The following CEP112 variants were observed in gnomAD, a reference collection of about 807,000 sequenced individuals.
CEP112 encodes the protein centrosomal protein of 112 kDa.
In CEP112, 127 loss-of-function variants were observed where a neutral mutation model predicts 153.0. That is an observed-to-expected ratio of 0.83 (90% CI 0.72 to 0.96). CEP112 has a LOEUF of 0.96. CEP112 is among the 40% of genes least tolerant of loss of function. The pLI is 0.00. For missense variants in CEP112, 1,089 were observed against 1,101.2 expected (o/e 0.99, Z 0.16); for synonymous variants, 358 against 374.4 (o/e 0.96, Z 0.51).
intron 25 of CEP112, among the ~76,000 whole-genome samples, chr17:65,637,575 AT>A (rs1373200025): frequency 6.6e-6 from 1 of 151,944 alleles, no homozygotes; most frequent in African/African-American, 2.4e-5. Context: ...ATCCTCCACC[AT>A]TTGGTTTAAA....
chr17:65,949,859 C>A (rs1268207668), intron 18 of CEP112, among the ~76,000 whole-genome samples: 1 of 152,036 alleles, frequency 6.6e-6, no homozygotes, highest in African/African-American at 2.4e-5. Flanking sequence ...TATATTATCT[C>A]CGGGGCTTTC....
chr17:65,917,905 G>A (rs1161532795), intron 19 of CEP112, among the ~76,000 whole-genome samples: 2 of 152,036 alleles, frequency 1.3e-5, no homozygotes, highest in African/African-American at 2.4e-5. Flanking sequence ...GGCTGGGCGC[G>A]GTGGCTCACG....
At chr17:65,720,481 A>G (rs1161519903) in intron 23 of CEP112, among the ~76,000 whole-genome samples, 1 of 152,186 alleles carries the variant, frequency 6.6e-6, no homozygotes, top group Non-Finnish European at 1.5e-5. Flanking sequence ...GCTGTCAGAG[A>G]GGCAGAGGGC....
chr17:66,031,480 T>TG (rs2065472679), intron 12 of CEP112, among the ~76,000 whole-genome samples: 1 of 23,832 alleles, frequency 4.2e-5, no homozygotes, highest in African/African-American at 8.6e-5. Flanking sequence ...TTTGTTTTTT[T>TG]TTTTTGTTTT....
intron 21 of CEP112, among the ~76,000 whole-genome samples, chr17:65,840,878 T>C (rs1000271214): frequency 3.9e-5 from 6 of 151,986 alleles, no homozygotes; most frequent in Admixed American, 3.3e-4. Flanking sequence ...CACATACAAA[T>C]TGCCAACAGG....
intron 12 of CEP112, among the ~76,000 whole-genome samples, chr17:66,045,748 C>T (rs780049120): frequency 6.6e-6 from 1 of 152,164 alleles, no homozygotes; most frequent in African/African-American, 2.4e-5. Context: ...TTATTTCTTA[C>T]TGGGAGTCAT....
chr17:65,807,113 GA>G (rs2055653173), intron 21 of CEP112, among the ~76,000 whole-genome samples: 1 of 152,160 alleles, frequency 6.6e-6, no homozygotes. Context: ...AACTTATTGG[GA>G]AGTGGAGTAA....
intron 18 of CEP112, among the ~76,000 whole-genome samples, chr17:65,943,030 T>C (rs563035531): frequency 6.6e-6 from 1 of 152,314 alleles, no homozygotes; most frequent in African/African-American, 2.4e-5. Context: ...GATACATAGA[T>C]ATGAATAGAT....
intron 2 of CEP112, among the ~76,000 whole-genome samples, chr17:66,180,553 A>G (rs968568579): frequency 2.0e-5 from 3 of 152,126 alleles, no homozygotes; most frequent in African/African-American, 7.2e-5. Context: ...AGGGATTTGT[A>G]GCTGATTGAT....
chr17:65,805,678 T>C (rs1041861903), intron 21 of CEP112, among the ~76,000 whole-genome samples: 2 of 152,200 alleles, frequency 1.3e-5, no homozygotes, highest in African/African-American at 4.8e-5. Flanking sequence ...GGACAATATC[T>C]GATAAATGAG....
chr17:65,689,078 C>T lies in CEP112; in HGVS notation c.2697+51G>A, dbSNP rs967837805. On this transcript the variant is annotated intron_variant, in intron 24 of 26. Transcript: ENST00000535342. The stretch of plus-strand genomic sequence containing the variant: ...CCACTGCACCTGGCTGCACACACTT[C>T]TTGACCTAGAGAAAGTAAACAAGAG... The T allele has an allele frequency of 7.4e-6, 10 of 1,356,230 alleles. No homozygotes were observed. In the African/African-American group the frequency reaches 1.1e-4, roughly 16 times the overall value. The allele number at this position is 1,356,230 out of a possible 1,614,324, so 84.0% of individuals were successfully genotyped here. A position where few individuals can be genotyped will look rare whatever the true frequency, so the allele number is the denominator to read the frequency against.
intron 21 of CEP112, among the ~76,000 whole-genome samples, chr17:65,836,928 C>G (rs1042143423): frequency 2.0e-5 from 3 of 152,092 alleles, no homozygotes; most frequent in Non-Finnish European, 4.4e-5. Flanking sequence ...TCAGCCTGCC[C>G]AGTGCCTGGG....
intron 24 of CEP112, among the ~76,000 whole-genome samples, chr17:65,656,751 T>C (rs2046082832): frequency 6.6e-6 from 1 of 152,238 alleles, no homozygotes; most frequent in African/African-American, 2.4e-5. Flanking sequence ...GTGTTCATTT[T>C]GCTGACTGCT....
At chr17:65,868,686 T>C (rs2058558467) in intron 20 of CEP112, among the ~76,000 whole-genome samples, 1 of 152,194 alleles carries the variant, frequency 6.6e-6, no homozygotes, top group African/African-American at 2.4e-5. Context: ...GTTCAACCTG[T>C]CAATTTATTT....
At chr17:65,715,576 G>A (rs966716731) in intron 23 of CEP112, among the ~76,000 whole-genome samples, 2 of 151,630 alleles carry the variant, frequency 1.3e-5, no homozygotes, top group Non-Finnish European at 1.5e-5. Flanking sequence ...TCAGTCTCCC[G>A]AGTAGCTGGG....
intron 21 of CEP112, among the ~76,000 whole-genome samples, chr17:65,759,084 G>A (rs1233862847): frequency 2.0e-5 from 3 of 152,244 alleles, no homozygotes; most frequent in Admixed American, 2.0e-4. Flanking sequence ...ATGGTGATAA[G>A]AGTGACCTCT....
intron 4 of CEP112, among the ~76,000 whole-genome samples, chr17:66,152,130 C>T (rs2071236425): frequency 6.6e-6 from 1 of 151,876 alleles, no homozygotes; most frequent in African/African-American, 2.4e-5. Context: ...TAAAGTACAG[C>T]CTAAGAATAT....
intron 4 of CEP112, among the ~76,000 whole-genome samples, chr17:66,162,799 T>C (rs1411138577): frequency 1.3e-5 from 2 of 152,138 alleles, no homozygotes; most frequent in Non-Finnish European, 2.9e-5. Flanking sequence ...GTAGCTATAT[T>C]CTCTATCTTG....
At chr17:66,167,594 G>A (rs1034432966) in intron 4 of CEP112, among the ~76,000 whole-genome samples, 9 of 152,068 alleles carry the variant, frequency 5.9e-5, no homozygotes, top group Non-Finnish European at 1.2e-4. Flanking sequence ...CAAAAACAAA[G>A]GTATAGCTGC....
Sources: allele counts gnomAD v4.1 joint callset (sites outside exome capture counted in the v4.1 genomes callset), GRCh38; gene constraint gnomAD v4.1.1; transcripts MANE v1.5; gene names NCBI Gene and HGNC (gene_info 2026-07-23, HGNC 2026-07-21).